The following PTPN14 variants were observed in gnomAD, a reference collection of about 807,000 sequenced individuals.
PTPN14 encodes the protein protein tyrosine phosphatase non-receptor type 14, also known as tyrosine-protein phosphatase non-receptor type 14.
PTPN14 carries 53 observed loss-of-function variants against 126.8 expected under a neutral mutation model. The ratio of observed to expected loss-of-function variants is 0.42; its 90% CI spans 0.34 to 0.53. The LOEUF (loss-of-function observed/expected upper bound fraction) is 0.53, where lower values mean the gene tolerates loss of function less well. Ranked by LOEUF, PTPN14 falls within the 20% of genes least tolerant of loss-of-function variation. The pLI is 0.08. For synonymous variants in PTPN14, 630 were observed against 599.3 expected, an observed-to-expected ratio of 1.05 and a Z score of -0.75; for missense variants, 1,257 against 1,552.9, an observed-to-expected ratio of 0.81 and a Z score of 3.20.
rs57950654 is a variant in PTPN14 at position 214,393,747 on chromosome 1, G to A, written c.877C>T (p.Arg293Trp). Residue 293 changes from arginine (R) to tryptophan (W), a missense_variant, in exon 10 of 19, where the codon CGG becomes TGG. By Grantham distance (101) the Arg-to-Trp change is moderately radical (BLOSUM62 -3). Transcript: ENST00000366956. ...DDIENAKYIS[R>W]LFATRHKFYK... ...AACTTGTGTCGTGTGGCAAACAACC[G>A]AGAAATATACTTGGCATTTTCGATA... The A allele has an allele frequency of 4.4e-5, 70 of 1,602,878 alleles. No individual in the cohort carries two copies. The East Asian group carries it at 7.4e-4, about 17-fold the overall frequency.
At chr1:214,475,592 A>G (rs1660850129) in intron 1 of PTPN14, among the ~76,000 whole-genome samples, 1 of 152,142 alleles carries the variant, frequency 6.6e-6, no homozygotes, top group African/African-American at 2.4e-5. Flanking sequence ...TTTTGCTGTC[A>G]GTATCTATAT....
chr1:214,411,730 T>G lies in PTPN14; in HGVS notation c.464A>C (p.Gln155Pro). 6.6e-7 allele frequency: 1 copy of G among 1,511,654 alleles called. No individual in the cohort carries two copies. The highest frequency in any genetic ancestry group is 9.1e-7 in the Non-Finnish European group (1 of 1,096,200). The allele number at this position is 1,511,654 out of a possible 1,614,324, so 93.6% of individuals were successfully genotyped here. Residue 155 changes from glutamine (Q) to proline (P), a missense_variant, in exon 5 of 19, where the codon CAG becomes CCG. By Grantham distance (76) the Gln-to-Pro change is moderately conservative (BLOSUM62 -1). Around this residue, in one of 3 missense-constraint regions of PTPN14, gnomAD observed 1,021 missense variants for 1,183.3 expected, o/e 0.86. Coordinates refer to ENST00000366956, the MANE Select transcript of PTPN14 (RefSeq NM_005401.5). Reference protein sequence around the residue: ...AVQADFGDYNQFDSQDFLREY... With the variant: ...AVQADFGDYNPFDSQDFLREY... ...TCTGAGGAAATCTTGAGAATCAAAC[T>G]GATTATAGTCTCCAAAATCAGCTGA...
chr1:214,463,444 T>C (rs1242582759), intron 2 of PTPN14, among the ~76,000 whole-genome samples: 1 of 152,032 alleles, frequency 6.6e-6, no homozygotes, highest in Non-Finnish European at 1.5e-5. Context: ...CACAGAAAAA[T>C]ATACCTAAAA....
rs190481971 is a variant in PTPN14 at position 214,427,420 on chromosome 1, G to A, written c.345-12694C>T. Among the ~76,000 whole-genome samples, 628 of 151,888 alleles carry A rather than the reference G, an allele frequency of 4.1e-3. 3 individuals carry two copies. Among genetic ancestry groups the A allele is most frequent in the Non-Finnish European group, 6.9e-3 (467 of 67,956 alleles). ...TCAGATTCTATTAAATTAGTATAAT[G>A]ATTTCTTATCCTTTTATAGTACTTT... is the stretch of plus-strand genomic sequence containing the variant. On this transcript the variant is annotated intron_variant, in intron 3 of 18. Transcript: ENST00000366956.
At chr1:214,511,047 T>C (rs201772166) in intron 1 of PTPN14, among the ~76,000 whole-genome samples, 12 of 135,382 alleles carry the variant, frequency 8.9e-5, no homozygotes, top group Non-Finnish European at 1.4e-4. Flanking sequence ...CCAAACTAAG[T>C]CTTTGGTTTT....
At chr1:214,513,416 C>A (rs536902955) in intron 1 of PTPN14, among the ~76,000 whole-genome samples, 1 of 150,678 alleles carries the variant, frequency 6.6e-6, no homozygotes, top group African/African-American at 2.5e-5. Context: ...AAATATCTCA[C>A]ATAAAAATAC....
intron 1 of PTPN14, among the ~76,000 whole-genome samples, chr1:214,543,178 A>G (rs1177339758): frequency 6.6e-6 from 1 of 152,224 alleles, no homozygotes; most frequent in East Asian, 1.9e-4. Flanking sequence ...AAAAGACAAT[A>G]ATGCATAGGA....
chr1:214,544,700 G>A (rs1038534773), intron 1 of PTPN14, among the ~76,000 whole-genome samples: 3 of 151,006 alleles, frequency 2.0e-5, no homozygotes, highest in Non-Finnish European at 4.4e-5. Context: ...GCAGTGAGCC[G>A]AGATAGCACC....
At chr1:214,457,610 G>A (rs536565746) in intron 2 of PTPN14, among the ~76,000 whole-genome samples, 5 of 152,106 alleles carry the variant, frequency 3.3e-5, no homozygotes, top group Middle Eastern at 3.4e-3. Flanking sequence ...CCCCCTTTGC[G>A]TTTCTTAGAA....
chr1:214,416,786 T>G (rs1421333013), intron 3 of PTPN14, among the ~76,000 whole-genome samples: 1 of 152,194 alleles, frequency 6.6e-6, no homozygotes, highest in African/African-American at 2.4e-5. Flanking sequence ...GTTTGGCTGG[T>G]ACAATTTTGC....
At chr1:214,435,578 A>C (rs1203934785) in intron 3 of PTPN14, among the ~76,000 whole-genome samples, 3 of 152,194 alleles carry the variant, frequency 2.0e-5, no homozygotes, top group African/African-American at 7.2e-5. Context: ...AATCCCATTA[A>C]AAAGTGGGCA....
chr1:214,510,446 C>T (rs185984074), intron 1 of PTPN14, among the ~76,000 whole-genome samples: 12 of 152,292 alleles, frequency 7.9e-5, no homozygotes, highest in East Asian at 1.9e-4. Flanking sequence ...ACCTGTGAAA[C>T]GCAATAAAAT....
At chr1:214,477,822 C>T (rs893912291) in intron 1 of PTPN14, among the ~76,000 whole-genome samples, 14 of 152,164 alleles carry the variant, frequency 9.2e-5, no homozygotes, top group African/African-American at 3.1e-4. Flanking sequence ...CAATTTCTAA[C>T]AAATTTGTAT....
At chr1:214,390,171 T>C (rs977100145) in intron 11 of PTPN14, among the ~76,000 whole-genome samples, 1 of 152,264 alleles carries the variant, frequency 6.6e-6, no homozygotes, top group African/African-American at 2.4e-5. Flanking sequence ...AAAGGTCATA[T>C]GCTTATTTTG....
intron 3 of PTPN14, among the ~76,000 whole-genome samples, chr1:214,427,092 A>C (rs1158523544): frequency 1.3e-5 from 2 of 152,074 alleles, no homozygotes; most frequent in Non-Finnish European, 2.9e-5. Flanking sequence ...CATCCTGGCC[A>C]ACCTGGTAAA....
intron 1 of PTPN14, among the ~76,000 whole-genome samples, chr1:214,469,469 C>T (rs2102658939): frequency 6.6e-6 from 1 of 152,254 alleles, no homozygotes; most frequent in African/African-American, 2.4e-5. Context: ...GCTCCTGGAA[C>T]CTTTCCAACT....
At chr1:214,421,739 G>A (rs368040033) in intron 3 of PTPN14, among the ~76,000 whole-genome samples, 7 of 151,896 alleles carry the variant, frequency 4.6e-5, no homozygotes, top group African/African-American at 7.3e-5. Context: ...CTGAGCTGTC[G>A]TAAGTGTGCG....
intron 1 of PTPN14, among the ~76,000 whole-genome samples, chr1:214,470,755 G>T (rs1345905326): frequency 7.5e-6 from 1 of 133,764 alleles, no homozygotes; most frequent in Non-Finnish European, 1.5e-5. Context: ...CTGCACTCCA[G>T]CCTGGGCAAT....
chr1:214,431,721 G>C (rs1659801615), intron 3 of PTPN14, among the ~76,000 whole-genome samples: 1 of 152,262 alleles, frequency 6.6e-6, no homozygotes, highest in South Asian at 2.1e-4. Flanking sequence ...GTGCGGGCAA[G>C]TTACTCAACC....
Sources: allele counts gnomAD v4.1 joint callset (sites outside exome capture counted in the v4.1 genomes callset), GRCh38; gene constraint gnomAD v4.1.1; regional missense constraint gnomAD v4.1.1; transcripts MANE v1.5; gene names NCBI Gene and HGNC (gene_info 2026-07-23, HGNC 2026-07-21).